ITPR3: variants seen among roughly 807,000 people sequenced by gnomAD.
The protein encoded by ITPR3 is inositol 1,4,5-trisphosphate receptor type 3.
Under a neutral mutation model 293.2 loss-of-function variants are expected in ITPR3, and 173 were observed. The ratio of observed to expected loss-of-function variants is 0.59; its 90% CI spans 0.52 to 0.67. The LOEUF is 0.67. Among genes scored for constraint, ITPR3 ranks in the 30% least tolerant of loss-of-function variants. ITPR3 has a pLI of 0.00. For missense variants in ITPR3, 2,796 were observed against 3,592.1 expected (o/e 0.78, Z 5.66); for synonymous variants, 1,295 against 1,444.4 (o/e 0.90, Z 2.35).
intron 13 of ITPR3, 139 bp downstream of exon 13, chr6:33,665,352 G>T: frequency 8.7e-7 from 1 of 1,155,412 alleles, no homozygotes. Flanking sequence ...GGCCCTGGCT[G>T]AGCCTGGGAC....
intron 1 of ITPR3, among the ~76,000 whole-genome samples, chr6:33,622,708 G>A (rs1306445636): frequency 6.6e-6 from 1 of 152,146 alleles, no homozygotes; most frequent in African/African-American, 2.4e-5. Context: ...GATGGCCTTG[G>A]AGGACAACCT....
chr6:33,630,409 T>A (rs1254464350), intron 1 of ITPR3, among the ~76,000 whole-genome samples: 2 of 152,188 alleles, frequency 1.3e-5, no homozygotes, highest in Non-Finnish European at 2.9e-5. Flanking sequence ...GAGAGTCCAG[T>A]TCTGGGTTAT....
At chr6:33,650,605 C>A (rs1441220628) in intron 2 of ITPR3, among the ~76,000 whole-genome samples, 1 of 152,176 alleles carries the variant, frequency 6.6e-6, no homozygotes, top group Non-Finnish European at 1.5e-5. Context: ...ATGCATCCAC[C>A]CTATAAGGGC....
chr6:33,683,397 G>T lies in ITPR3; in HGVS notation c.4788G>T (p.Gln1596His). The change falls in exon 35 of 58, where the codon CAG becomes CAT. Residue 1596 changes from glutamine (Q) to histidine (H), a missense_variant and splice_region_variant. Physicochemically the swap from Gln to His is conservative, Grantham distance 24. Transcript: ENST00000605930. The surrounding 1 kb of genome is among the most constrained non-coding windows in gnomAD (Gnocchi z 4.5). ...WDYKNIIEKL[Q>H]DIITALEERL... ...ACAAGAACATCATTGAGAAGCTGCAGGTGGGTGTGGGGCTGCCTGGCATCT... is the reference window on the plus strand; with the variant it reads ...ACAAGAACATCATTGAGAAGCTGCATGTGGGTGTGGGGCTGCCTGGCATCT... 1 of 1,555,216 alleles carries T rather than the reference G, an allele frequency of 6.4e-7. No homozygotes were observed. Among genetic ancestry groups the T allele is most frequent in the Non-Finnish European group, 8.7e-7 (1 of 1,145,654 alleles).
rs368801277 is a variant in ITPR3 at position 33,663,533 on chromosome 6, C to T, written c.988C>T (p.Pro330Ser). 82 of 1,605,892 alleles carry T rather than the reference C, an allele frequency of 5.1e-5. No individual in the cohort carries two copies. The highest frequency in any genetic ancestry group is 6.6e-5 in the Non-Finnish European group (78 of 1,175,930). The change falls in exon 10 of 58, where the codon CCC becomes TCC. Residue 330 changes from proline (P) to serine (S), a missense_variant. By Grantham distance (74) the Pro-to-Ser change is moderately conservative. Coordinates refer to ENST00000605930, the MANE Select transcript of ITPR3 (RefSeq NM_002224.4). ...CAGTTACAAAGGTGATGCCTCAGAT[C>T]CCAAGGCAGCAGGAATGGTGAGGAG... ...NPSYKGDASDPKAAGMGAQGR... is the reference protein window; with the variant it reads ...NPSYKGDASDSKAAGMGAQGR...
chr6:33,671,328 G>C (rs1764760295), intron 21 of ITPR3, 22 bp downstream of exon 21: 1 of 1,587,270 alleles, frequency 6.3e-7, no homozygotes, highest in African/African-American at 1.3e-5. Context: ...GCCCGGCTCG[G>C]GCCACCCTGG....
Position 33,675,854 on chromosome 6 carries a change from C to T in ITPR3, c.3280C>T (p.Gln1094Ter). ...CCAGGAGGCCATGCACACCTTCAAGCAGGTGACGGGACTACCTGGCCCTGG... is the reference window on the plus strand; with the variant it reads ...CCAGGAGGCCATGCACACCTTCAAGTAGGTGACGGGACTACCTGGCCCTGG... ...QRQEAMHTFKQVQLLISAQDV... is the reference protein window; with the variant it reads ...QRQEAMHTFK Residue 1094 changes from glutamine to a stop codon, truncating the protein, a stop_gained and splice_region_variant, in exon 25 of 58, where the codon CAG becomes TAG. Transcript: ENST00000605930. LOFTEE classifies it high-confidence loss of function. This position sits in a 1 kb window ranked among gnomAD's most constrained non-coding sequence, Gnocchi z 5.0. 1 of 1,559,710 alleles carries T rather than the reference C, an allele frequency of 6.4e-7. No homozygotes were observed. Among genetic ancestry groups the T allele is most frequent in the Non-Finnish European group, 8.7e-7 (1 of 1,151,780 alleles).
Position 33,695,794 on chromosome 6 carries a change from A to G in ITPR3, c.*14A>G. The G allele has an allele frequency of 6.2e-7, 1 of 1,613,222 alleles. No homozygotes were observed. Among genetic ancestry groups the G allele is most frequent in the Non-Finnish European group, 8.5e-7 (1 of 1,179,294 alleles). On this transcript the variant is annotated 3_prime_UTR_variant, in exon 58 of 58. Transcript: ENST00000605930. ...ATTAGCCGCTGAGGAGAGCCACCGA[A>G]GGCCCCAACAGGGGATGCTCATCAC... is the stretch of plus-strand genomic sequence containing the variant.
Position 33,655,264 on chromosome 6 carries a change from C to A in ITPR3, c.161-502C>A, listed in dbSNP as rs532430937. On this transcript the variant is annotated intron_variant, in intron 2 of 57. Transcript: ENST00000605930. The surrounding 1 kb of genome is among the most constrained non-coding windows in gnomAD (Gnocchi z 4.9). The stretch of plus-strand genomic sequence containing the variant: ...GGGGAGCTCAGGATTGTGAGCTGTT[C>A]CTCGGACTGTCCCCTCCAGAGGCTG... Among the ~76,000 whole-genome samples the A allele has an allele frequency of 8.5e-5, 13 of 152,284 alleles. No homozygotes were observed. In the South Asian group the frequency reaches 2.3e-3, roughly 27 times the overall value.
At chr6:33,662,045 C>A (rs1029804968) in intron 7 of ITPR3, among the ~76,000 whole-genome samples, 14 of 145,558 alleles carry the variant, frequency 9.6e-5, no homozygotes, top group Middle Eastern at 3.7e-3. Context: ...GTATCTCTGT[C>A]CAAAGCTATG....
rs764696860 is a variant in ITPR3 at position 33,640,514 on chromosome 6, C to G, written c.120C>G (p.Pro40=). 1.3e-5 allele frequency: 21 copies of G among 1,613,664 alleles called. No homozygotes were observed. The highest frequency in any genetic ancestry group is 1.7e-5 in the Non-Finnish European group (20 of 1,179,794). The change falls in exon 2 of 58, where the codon CCC becomes CCG. Residue 40 remains proline (P), a synonymous_variant. Transcript: ENST00000605930. ...GLVDDRCVVE[P]AAGDLDNPPK... is the part of the protein sequence containing the mutation. ...TGGATGACCGCTGTGTGGTGGAGCCCGCGGCCGGGGACCTGGACAACCCCC... is the reference window on the plus strand; with the variant it reads ...TGGATGACCGCTGTGTGGTGGAGCCGGCGGCCGGGGACCTGGACAACCCCC...
Position 33,674,333 on chromosome 6 carries a change from C to A in ITPR3, c.3116+68C>A. The A allele has an allele frequency of 3.4e-6, 5 of 1,475,254 alleles. No homozygotes were observed. The South Asian group carries it at 3.6e-5, about 11-fold the overall frequency. The allele number at this position is 1,475,254 out of a possible 1,614,324, so 91.4% of individuals were successfully genotyped here. ...GCTCGACACCCCCTCTTGGTCTGGT[C>A]TGGGTTCCTGGGCTGGGGGCTGGCT... On this transcript the variant is annotated intron_variant, in intron 24 of 57. Coordinates refer to ENST00000605930, the MANE Select transcript of ITPR3 (RefSeq NM_002224.4).
At position 33,670,854 on chromosome 6, in the gene ITPR3, G is replaced by T; in HGVS notation, c.2586+39G>T. ...TGCCCAGGGGCTGGGGGTCCGTGGA[G>T]CTCTTGTTGGCCCCACACTGGCCTC... On this transcript the variant is annotated intron_variant, in intron 20 of 57. Coordinates refer to ENST00000605930, the MANE Select transcript of ITPR3 (RefSeq NM_002224.4). This position sits in a 1 kb window ranked among gnomAD's most constrained non-coding sequence, Gnocchi z 6.7. 6.2e-7 allele frequency: 1 copy of T among 1,603,064 alleles called. No individual in the cohort carries two copies. The highest frequency in any genetic ancestry group is 1.1e-5 in the South Asian group (1 of 90,334).
In ITPR3 at chr6:33,672,565, C is replaced by T. The variant is rs7739369; in HGVS notation, c.2928+337C>T. On this transcript the variant is annotated intron_variant, in intron 22 of 57. Coordinates refer to ENST00000605930, the MANE Select transcript of ITPR3 (RefSeq NM_002224.4). The surrounding 1 kb of genome is among the most constrained non-coding windows in gnomAD (Gnocchi z 5.0). ...TCTCTATTAAAAAAAATAGTAATAA[C>T]GATAAATAAATAAAAAGAAAAACAG... Among the ~76,000 whole-genome samples the T allele has an allele frequency of 3.3e-5, 5 of 152,034 alleles. No individual in the cohort carries two copies. Among genetic ancestry groups the T allele is most frequent in the African/African-American group, 4.8e-5 (2 of 41,374 alleles).
Position 33,682,396 on chromosome 6 carries a change from C to A in ITPR3, c.4477-128C>A. On this transcript the variant is annotated intron_variant, in intron 33 of 57. Transcript: ENST00000605930. This position sits in a 1 kb window ranked among gnomAD's most constrained non-coding sequence, Gnocchi z 5.4. The stretch of plus-strand genomic sequence containing the variant: ...TACCTTTTTCCAACTGGCACAGAGG[C>A]ACATGGTGGCTAGTGAAGGCTCCGT... The A allele has an allele frequency of 9.2e-7, 1 of 1,085,912 alleles. No homozygotes were observed. Among genetic ancestry groups the A allele is most frequent in the Non-Finnish European group, 1.3e-6 (1 of 780,008 alleles). The allele number at this position is 1,085,912 out of a possible 1,614,324, so 67.3% of individuals were successfully genotyped here.
intron 51 of ITPR3, among the ~76,000 whole-genome samples, chr6:33,690,533 C>T (rs764754): frequency 0.44 from 67,159 of 152,104 alleles, 17,162 homozygotes; most frequent in East Asian, 0.9. Flanking sequence ...TCAGTTTCCT[C>T]ACCTGTAAAA....
At chr6:33,663,424 G>T (rs1764527712) in intron 9 of ITPR3, 76 bp from the exon 10 acceptor site, 1 of 1,435,660 alleles carries the variant, frequency 7.0e-7, no homozygotes, top group Non-Finnish European at 9.6e-7. Context: ...CTATGTAGGT[G>T]ACCATGTTTT....
In ITPR3 at chr6:33,686,176, G is replaced by A; in HGVS notation, c.5791G>A (p.Glu1931Lys). 1 of 1,614,166 alleles carries A rather than the reference G, an allele frequency of 6.2e-7. No individual in the cohort carries two copies. The highest frequency in any genetic ancestry group is 8.5e-7 in the Non-Finnish European group (1 of 1,180,044). Residue 1931 changes from glutamate (E) to lysine (K), a missense_variant, in exon 42 of 58, where the codon GAG (glutamate) becomes AAG (lysine). Transcript: ENST00000605930. ...GGGGCTGCTGGGGCTCTACATCAAT[G>A]AGGACAACGTGGGCCTCGTCATCCA... Reference protein sequence around the residue: ...GLGLLGLYINEDNVGLVIQTL... With the variant: ...GLGLLGLYINKDNVGLVIQTL...
intron 13 of ITPR3, 86 bp from the exon 14 acceptor site, chr6:33,665,749 C>T: frequency 6.7e-7 from 1 of 1,484,102 alleles, no homozygotes; most frequent in Non-Finnish European, 9.3e-7. Context: ...TCATGAAAGC[C>T]ATGTTTTGGG....
Sources: allele counts gnomAD v4.1 joint callset (sites outside exome capture counted in the v4.1 genomes callset), GRCh38; gene constraint gnomAD v4.1.1; non-coding constraint Gnocchi (gnomAD v3.1); transcripts MANE v1.5; gene names NCBI Gene and HGNC (gene_info 2026-07-23, HGNC 2026-07-21).